Variants in DPYD observed in about 807,000 individuals in gnomAD.
The protein encoded by DPYD is dihydropyrimidine dehydrogenase [NADP(+)].
Under a neutral mutation model 116.2 loss-of-function variants are expected in DPYD, and 109 were observed. That is an observed-to-expected ratio of 0.94 (90% CI 0.80 to 1.10). The LOEUF (loss-of-function observed/expected upper bound fraction) is 1.10, where lower values mean the gene tolerates loss of function less well. Among genes scored for constraint, DPYD ranks in the 50% least tolerant of loss-of-function variants. DPYD has a pLI of 0.00. For synonymous variants in DPYD, 440 were observed against 432.0 expected (o/e 1.02, Z -0.23); for missense variants, 1,302 against 1,254.5 (o/e 1.04, Z -0.57).
At chr1:97,612,084 C>T (rs1655984716) in intron 8 of DPYD, among the ~76,000 whole-genome samples, 1 of 151,920 alleles carries the variant, frequency 6.6e-6, no homozygotes, top group African/African-American at 2.4e-5. Flanking sequence ...ATCCTATTTC[C>T]ACAGATCCCC....
rs555912200 is a variant in DPYD, at chr1:97,085,801, A to C, written c.2767-3331T>G. Among the ~76,000 whole-genome samples the C allele has an allele frequency of 1.2e-3, 184 of 152,292 alleles. 3 individuals are homozygous for C. The highest frequency in any genetic ancestry group is 2.8e-4 in the Non-Finnish European group (19 of 68,018). ...CAGGGAACCCATATTCATTATTCCA[A>C]TTCATTATTACACCCATTTGGATGT... On this transcript the variant is annotated intron_variant, in intron 21 of 22. Transcript: ENST00000370192.
chr1:97,546,437 G>A (rs946441111), intron 12 of DPYD: 1 of 1,595,352 alleles, frequency 6.3e-7, no homozygotes, highest in Middle Eastern at 1.7e-4. Flanking sequence ...AGAGATTCCT[G>A]AAGTGAGAAA....
intron 1 of DPYD, among the ~76,000 whole-genome samples, chr1:97,889,260 G>A (rs956677277): frequency 7.2e-5 from 11 of 151,854 alleles, no homozygotes; most frequent in South Asian, 6.2e-4. Context: ...CTATTCACAC[G>A]AAAAAAACAA....
At chr1:97,752,213 T>C (rs1232691431) in intron 3 of DPYD, among the ~76,000 whole-genome samples, 2 of 151,986 alleles carry the variant, frequency 1.3e-5, no homozygotes, top group South Asian at 2.1e-4. Context: ...GTGACATCCA[T>C]ACAAGTTTAT....
chr1:97,847,746 A>T (rs1670376683), intron 2 of DPYD, among the ~76,000 whole-genome samples: 2 of 152,208 alleles, frequency 1.3e-5, no homozygotes, highest in African/African-American at 4.8e-5. Context: ...TACTATATAC[A>T]TTGTAGGGGT....
intron 16 of DPYD, among the ~76,000 whole-genome samples, chr1:97,355,477 A>C (rs562078369): frequency 6.6e-6 from 1 of 152,258 alleles, no homozygotes; most frequent in East Asian, 1.9e-4. Flanking sequence ...CATGTTTTAC[A>C]ATATATCTCA....
chr1:97,516,809 T>C (rs534467673), intron 12 of DPYD, among the ~76,000 whole-genome samples: 2 of 152,096 alleles, frequency 1.3e-5, no homozygotes, highest in East Asian at 1.9e-4. Context: ...GTTTGTAAAG[T>C]GTCTCTCTCA....
chr1:97,382,418 C>T lies in DPYD; in HGVS notation c.1949G>A (p.Trp650Ter). Residue 650 changes from tryptophan (W) to a stop codon, truncating the protein, a stop_gained, in exon 15 of 23, where the codon TGG (tryptophan) becomes TAG (stop). Transcript: ENST00000370192. LOFTEE classifies it high-confidence loss of function. ...CTCAGACTTCTTGGCAAGTTCCGTC[C>T]AGTCATTTTTATTGTAACTGCACAT... ...SIMCSYNKND[W>*]TELAKKSEDS... The T allele has an allele frequency of 1.9e-6, 3 of 1,598,480 alleles. No individual in the cohort carries two copies. Among genetic ancestry groups the T allele is most frequent in the Non-Finnish European group, 2.6e-6 (3 of 1,172,052 alleles).
intron 1 of DPYD, among the ~76,000 whole-genome samples, chr1:97,892,172 G>A (rs1051778623): frequency 4.0e-5 from 6 of 151,520 alleles, no homozygotes; most frequent in Admixed American, 2.0e-4. Context: ...ATTGTGCTGT[G>A]GTGCCAATTT....
chr1:97,713,749 T>C (rs1372101827), intron 5 of DPYD, among the ~76,000 whole-genome samples: 4 of 152,266 alleles, frequency 2.6e-5, no homozygotes, highest in South Asian at 4.1e-4. Flanking sequence ...TTTTCATCTA[T>C]ATCTTACTTC....
intron 13 of DPYD, among the ~76,000 whole-genome samples, chr1:97,477,403 T>TCA (rs1052337675): frequency 1.3e-5 from 2 of 152,198 alleles, no homozygotes; most frequent in Admixed American, 6.5e-5. Flanking sequence ...TAACATATCT[T>TCA]CAGTTACTCC....
At position 97,189,967 on chromosome 1, in the gene DPYD, T is replaced by A. The variant is rs188842105; in HGVS notation, c.2622+3102A>T. Among the ~76,000 whole-genome samples the A allele has an allele frequency of 1.1e-3, 161 of 152,278 alleles. No homozygotes were observed. The Middle Eastern group carries it at 0.034, about 32-fold the overall frequency. On this transcript the variant is annotated intron_variant, in intron 20 of 22. Coordinates refer to ENST00000370192, the MANE Select transcript of DPYD (RefSeq NM_000110.4). ...CCATTTGGTTTCAGTATGTTTTGGA[T>A]TTCAGAATTGTTAATGAGGGATTAT... is the stretch of plus-strand genomic sequence containing the variant.
chr1:97,375,057 A>G (rs1322088370), intron 15 of DPYD, among the ~76,000 whole-genome samples: 30 of 151,560 alleles, frequency 2.0e-4, no homozygotes, highest in Admixed American at 1.9e-3. Context: ...AAGTTATTAC[A>G]GTAATTTTAG....
chr1:97,315,172 C>A (rs1309603736), intron 16 of DPYD, among the ~76,000 whole-genome samples: 1 of 151,936 alleles, frequency 6.6e-6, no homozygotes, highest in Non-Finnish European at 1.5e-5. Context: ...AGACATGAAC[C>A]ACTCGGATCT....
intron 4 of DPYD, among the ~76,000 whole-genome samples, chr1:97,731,288 AT>A (rs1054773104): frequency 6.6e-6 from 1 of 152,112 alleles, no homozygotes; most frequent in Non-Finnish European, 1.5e-5. Flanking sequence ...TACAGTGGAA[AT>A]AAAAGGGTTT....
chr1:97,301,467 G>A (rs1031668793), intron 18 of DPYD, among the ~76,000 whole-genome samples: 8 of 151,872 alleles, frequency 5.3e-5, no homozygotes, highest in African/African-American at 1.9e-4. Flanking sequence ...TGAGCCTAAA[G>A]TGTCTATCAT....
chr1:97,775,626 T>G (rs1666356421), intron 3 of DPYD, among the ~76,000 whole-genome samples: 3 of 152,192 alleles, frequency 2.0e-5, no homozygotes, highest in Admixed American at 2.0e-4. Flanking sequence ...AACTCTGCTC[T>G]GTTTTTACTC....
At chr1:97,577,421 C>T (rs762535994) in intron 10 of DPYD, among the ~76,000 whole-genome samples, 1 of 152,174 alleles carries the variant, frequency 6.6e-6, no homozygotes, top group Non-Finnish European at 1.5e-5. Context: ...CGTCCTGGAA[C>T]TTGTGCCTGC....
chr1:97,780,999 T>A (rs1666711235), intron 3 of DPYD, among the ~76,000 whole-genome samples: 1 of 152,190 alleles, frequency 6.6e-6, no homozygotes, highest in South Asian at 2.1e-4. Context: ...AGCTTCATAA[T>A]GTCCAGAATG....
Sources: gnomAD v4.1 joint callset for allele counts (sites outside exome capture counted in the v4.1 genomes callset) on GRCh38, gnomAD v4.1.1 for gene constraint, MANE v1.5 for transcripts, NCBI Gene and HGNC (gene_info 2026-07-23, HGNC 2026-07-21) for gene names.